EHMT2: variants seen among roughly 807,000 people sequenced by gnomAD.
EHMT2 encodes euchromatic histone lysine methyltransferase 2.
In EHMT2, 59 loss-of-function variants were observed where a neutral mutation model predicts 143.3. The observed-to-expected ratio is 0.41, with a 90% confidence interval of 0.33 to 0.51. The LOEUF (loss-of-function observed/expected upper bound fraction) is 0.51. Ranked by LOEUF, EHMT2 falls within the 20% of genes least tolerant of loss-of-function variation. The probability of loss-of-function intolerance (pLI) is 0.18; values close to 1 mark genes in which losing one functional copy is unlikely to be tolerated. For missense variants in EHMT2, 1,174 were observed against 1,645.9 expected (o/e 0.71, Z 4.96); for synonymous variants, 604 against 651.5 (o/e 0.93, Z 1.11).
In EHMT2 at chr6:31,883,193, A is replaced by G; in HGVS notation, c.2994+169T>C. 2.3e-6 allele frequency: 2 copies of G among 865,610 alleles called. No individual in the cohort carries two copies. Among genetic ancestry groups the G allele is most frequent in the Non-Finnish European group, 3.7e-6 (2 of 544,462 alleles). The allele number at this position is 865,610 out of a possible 1,614,324, so 53.6% of individuals were successfully genotyped here. On this transcript the variant is annotated intron_variant, in intron 23 of 27. Transcript: ENST00000375537. This position sits in a 1 kb window ranked among gnomAD's most constrained non-coding sequence, Gnocchi z 5.6. ...TTTGCATAGACCTGGGCACACGCCC[A>G]TCGCTGTCCCAGCCACATCCCAGGA...
chr6:31,885,304 T>C (rs1764688692), intron 18 of EHMT2: 3 of 301,516 alleles, frequency 9.9e-6, no homozygotes, highest in Non-Finnish European at 1.8e-5. Context: ...GGTGAAACCC[T>C]GTCTCTACTA....
chr6:31,879,940 TG>T, exon 28 of EHMT2: 1 of 999,800 alleles, frequency 1.0e-6, no homozygotes, highest in Non-Finnish European at 1.4e-6. Context: ...AGGGCCTGGC[TG>T]GGATCTCTGG....
chr6:31,880,517 T>G lies in EHMT2; in HGVS notation c.3452+156A>C. ...TCTCTCTGGGAGGCACAGGACTGTT[T>G]CCCCAAGTCCTCCAGGAAATACTTA... On this transcript the variant is annotated intron_variant, in intron 27 of 27. Transcript: ENST00000375537. The surrounding 1 kb of genome is among the most constrained non-coding windows in gnomAD (Gnocchi z 6.6). 1 of 915,230 alleles carries G rather than the reference T, an allele frequency of 1.1e-6. No homozygotes were observed. The highest frequency in any genetic ancestry group is 1.6e-6 in the Non-Finnish European group (1 of 619,596). The allele number at this position is 915,230 out of a possible 1,614,324, so 56.7% of individuals were successfully genotyped here. A position where few individuals can be genotyped will look rare whatever the true frequency, so the allele number is the denominator to read the frequency against.
intron 1 of EHMT2, 63 bp from the exon 2 acceptor site, chr6:31,897,052 A>G (rs1200943772): frequency 6.6e-7 from 1 of 1,509,228 alleles, no homozygotes; most frequent in Admixed American, 2.3e-5. Flanking sequence ...GGGGTCCAGG[A>G]TGCCTGGGCC....
chr6:31,896,744 G>A (rs746497265), exon 3 of EHMT2: 1 of 1,613,038 alleles, frequency 6.2e-7, no homozygotes. Context: ...GGAGATGAGG[G>A]GCCAGCAGGC....
At position 31,880,132 on chromosome 6, in the gene EHMT2, G is replaced by T. The variant is rs1763911282; in HGVS notation, c.3585C>A (p.His1195Gln). The T allele has an allele frequency of 1.2e-6, 2 of 1,612,862 alleles. No homozygotes were observed. Among genetic ancestry groups the T allele is most frequent in the African/African-American group, 1.3e-5 (1 of 74,934 alleles). The change falls in exon 28 of 28, where the codon CAC becomes CAA. Residue 1195 changes from histidine to glutamine, a missense_variant. His to Gln is a conservative substitution (Grantham distance 24). This residue lies in a region of EHMT2 where 42 missense variants were observed against 45.1 expected (regional missense o/e 0.93). Coordinates refer to ENST00000375537, the Ensembl canonical transcript of EHMT2. This position sits in a 1 kb window ranked among gnomAD's most constrained non-coding sequence, Gnocchi z 6.6. ...AGCCGAGCTCGGGCAGCAGCTCAGG[G>T]TGTGGGTCCAGGCGGGCCAGACGGC...
chr6:31,892,663 G>T (rs1005179982), intron 6 of EHMT2, 31 bp downstream of exon 6: 1 of 1,613,046 alleles, frequency 6.2e-7, no homozygotes, highest in Non-Finnish European at 8.5e-7. Context: ...AGCAGCCCCC[G>T]AGGGGTAGAG....
exon 6 of EHMT2, chr6:31,892,697 G>C: frequency 1.2e-6 from 2 of 1,613,102 alleles, no homozygotes; most frequent in Non-Finnish European, 8.5e-7. Flanking sequence ...TGCTTACCAG[G>C]CCACCTCCTG....
At position 31,880,467 on chromosome 6, in the gene EHMT2, C is replaced by G. The variant is rs1211105053; in HGVS notation, c.3453-203G>C. 1 of 823,928 alleles carries G rather than the reference C, an allele frequency of 1.2e-6. No individual in the cohort carries two copies. The allele number at this position is 823,928 out of a possible 1,614,324, so 51.0% of individuals were successfully genotyped here. ...TTTTAGAAATGCAGAATCCTGGGCCCCATCCCAAGCCTACTGATTCAAAAT... is the reference window on the plus strand; with the variant it reads ...TTTTAGAAATGCAGAATCCTGGGCCGCATCCCAAGCCTACTGATTCAAAAT... On this transcript the variant is annotated intron_variant, in intron 27 of 27. Transcript: ENST00000375537. This position sits in a 1 kb window ranked among gnomAD's most constrained non-coding sequence, Gnocchi z 6.6.
In EHMT2 at chr6:31,880,027, A is replaced by C; in HGVS notation, c.*57T>G. 1 of 1,574,534 alleles carries C rather than the reference A, an allele frequency of 6.4e-7. No individual in the cohort carries two copies. The highest frequency in any genetic ancestry group is 8.7e-7 in the Non-Finnish European group (1 of 1,154,548). On this transcript the variant is annotated 3_prime_UTR_variant, in exon 28 of 28. Transcript: ENST00000375537. This position sits in a 1 kb window ranked among gnomAD's most constrained non-coding sequence, Gnocchi z 6.6. ...GCATGGGCTGCGAGCAGCTGGTGGC[A>C]GAGGAGGCGGCTGAGCTGTGGCCAT...
Position 31,897,623 on chromosome 6 carries a change from T to A in EHMT2, c.42+13A>T. On this transcript the variant is annotated intron_variant, in intron 1 of 27. Coordinates refer to ENST00000375537, the Ensembl canonical transcript of EHMT2. ...GCGGGCATGCACCCGCCTCTCCCCC[T>A]CCCCTTCCGCACCTCGGCGGCCGCC... The A allele has an allele frequency of 8.8e-7, 1 of 1,133,068 alleles. No individual in the cohort carries two copies. The highest frequency in any genetic ancestry group is 1.1e-6 in the Non-Finnish European group (1 of 925,504). 70.2% of individuals were successfully genotyped at this position (1,133,068 alleles called of 1,614,324 possible).
chr6:31,888,308 C>G lies in EHMT2; in HGVS notation c.1510-32G>C. 1.2e-6 allele frequency: 2 copies of G among 1,611,878 alleles called. No individual in the cohort carries two copies. The highest frequency in any genetic ancestry group is 1.7e-6 in the Non-Finnish European group (2 of 1,179,338). On this transcript the variant is annotated intron_variant, in intron 12 of 27. Transcript: ENST00000375537. The surrounding 1 kb of genome is among the most constrained non-coding windows in gnomAD (Gnocchi z 7.4). ...GCAGGGAAACGACATGGTCAGGTTACTGGGGCCCCCTCTGCCACAGGGCAT... is the reference window on the plus strand; with the variant it reads ...GCAGGGAAACGACATGGTCAGGTTAGTGGGGCCCCCTCTGCCACAGGGCAT...
chr6:31,880,979 G>C lies in EHMT2; in HGVS notation c.3276+35C>G. The stretch of plus-strand genomic sequence containing the variant: ...CCAGAGGCTCCTGAAAGCCAGCCCT[G>C]GGGAGCAGCAGGGTAAGGAGGGTCT... On this transcript the variant is annotated intron_variant, in intron 26 of 27. Transcript: ENST00000375537. This position sits in a 1 kb window ranked among gnomAD's most constrained non-coding sequence, Gnocchi z 6.6. 6.2e-7 allele frequency: 1 copy of C among 1,610,216 alleles called. No individual in the cohort carries two copies. The highest frequency in any genetic ancestry group is 2.2e-5 in the East Asian group (1 of 44,874).
rs747431959 is a variant in EHMT2 at position 31,889,086 on chromosome 6, A to G, written c.1115-16T>C. On this transcript the variant is annotated splice_polypyrimidine_tract_variant and intron_variant, in intron 9 of 27. Transcript: ENST00000375537. The surrounding 1 kb of genome is among the most constrained non-coding windows in gnomAD (Gnocchi z 5.1). The stretch of plus-strand genomic sequence containing the variant: ...CCATTCACTCCTGACACAGAGACAG[A>G]GAGAGTGAGAGTGCGAGCTCACAGG... The G allele has an allele frequency of 1.3e-6, 2 of 1,592,226 alleles. No homozygotes were observed. Among genetic ancestry groups the G allele is most frequent in the South Asian group, 2.3e-5 (2 of 87,844 alleles).
Position 31,889,620 on chromosome 6 carries a change from C to G in EHMT2, c.865-18G>C. ...ACTTCAGACTGGGAGAGAGGCAGAA[C>G]AGACATATCCAACCCCCAGGACTCA... On this transcript the variant is annotated intron_variant, in intron 7 of 27. Coordinates refer to ENST00000375537, the Ensembl canonical transcript of EHMT2. This position sits in a 1 kb window ranked among gnomAD's most constrained non-coding sequence, Gnocchi z 5.1. 4 of 1,608,354 alleles carry G rather than the reference C, an allele frequency of 2.5e-6. No individual in the cohort carries two copies. Among genetic ancestry groups the G allele is most frequent in the Non-Finnish European group, 3.4e-6 (4 of 1,179,960 alleles).
chr6:31,886,184 G>A (rs1344269119), intron 18 of EHMT2: 1 of 195,756 alleles, frequency 5.1e-6, no homozygotes, highest in African/African-American at 2.3e-5. Flanking sequence ...AAGGTCAGGA[G>A]GCTCTCAAAG....
rs147698124 is a variant in EHMT2 at position 31,888,635 on chromosome 6, C to A, written c.1329G>T (p.Gly443=). 4 of 1,613,496 alleles carry A rather than the reference C, an allele frequency of 2.5e-6. No individual in the cohort carries two copies. In the African/African-American group the frequency reaches 5.3e-5, roughly 22 times the overall value. ...CACTCTCAGTGGCCATGCACTTGTG[C>A]CCCGCCCTCTCGCTGATGCGGTCAA... The change falls in exon 11 of 28, where the codon GGG becomes GGT. Residue 443 remains glycine, a synonymous_variant. Coordinates refer to ENST00000375537, the Ensembl canonical transcript of EHMT2. This position sits in a 1 kb window ranked among gnomAD's most constrained non-coding sequence, Gnocchi z 7.4.
In EHMT2 at chr6:31,883,232, C is replaced by T. The variant is rs182163557; in HGVS notation, c.2994+130G>A. ...CACATCCCAGGATTCCCAGGCCTTG[C>T]CCAGTCCTCTCAGTCACTTCCCCCA... On this transcript the variant is annotated intron_variant, in intron 23 of 27. Transcript: ENST00000375537. The surrounding 1 kb of genome is among the most constrained non-coding windows in gnomAD (Gnocchi z 5.6). 3 of 1,049,080 alleles carry T rather than the reference C, an allele frequency of 2.9e-6. No individual in the cohort carries two copies. The Admixed American group carries it at 6.3e-5, about 22-fold the overall frequency. The allele number at this position is 1,049,080 out of a possible 1,614,324, so 65.0% of individuals were successfully genotyped here. A position where few individuals can be genotyped will look rare whatever the true frequency, so the allele number is the denominator to read the frequency against.
At chr6:31,892,614 T>C in intron 6 of EHMT2, 52 bp from the exon 7 acceptor site, 1 of 1,612,626 alleles carries the variant, frequency 6.2e-7, no homozygotes, top group Admixed American at 1.7e-5. Flanking sequence ...GCATTTCTAC[T>C]GAGGATGGGA....
Sources: allele counts gnomAD v4.1 joint callset, GRCh38; gene constraint gnomAD v4.1.1; regional missense constraint gnomAD v4.1.1; non-coding constraint Gnocchi (gnomAD v3.1); transcripts MANE v1.5; gene names NCBI Gene and HGNC (gene_info 2026-07-23, HGNC 2026-07-21).